C4BPA: variants seen among roughly 807,000 people sequenced by gnomAD.
C4BPA encodes the protein C4b-binding protein alpha chain.
A neutral mutation model predicts 63.7 loss-of-function variants in C4BPA; 31 were observed. The ratio of observed to expected loss-of-function variants is 0.49; its 90% CI spans 0.37 to 0.66. The LOEUF (loss-of-function observed/expected upper bound fraction) is 0.66, where lower values mean the gene tolerates loss of function less well. Ranked by LOEUF, C4BPA falls within the 30% of genes least tolerant of loss-of-function variation. C4BPA has a pLI of 0.00. For synonymous variants in C4BPA, 259 were observed against 254.7 expected, an observed-to-expected ratio of 1.02 and a Z score of -0.16; for missense variants, 572 against 723.3, an observed-to-expected ratio of 0.79 and a Z score of 2.40.
Position 207,144,793 on chromosome 1 carries a change from T to C in C4BPA, c.*76T>C. 1.1e-6 allele frequency: 1 copy of C among 893,470 alleles called. No individual in the cohort carries two copies. Among genetic ancestry groups the C allele is most frequent in the Middle Eastern group, 2.8e-4 (1 of 3,576 alleles). The allele number at this position is 893,470 out of a possible 1,614,324, so 55.3% of individuals were successfully genotyped here. On this transcript the variant is annotated 3_prime_UTR_variant, in exon 12 of 12. Transcript: ENST00000367070. Reference sequence around the variant, plus strand: ...ATTCAATACAGATCAGTTTAGCAAATCTACTGTCAATTTGGCAGTGATATT... The same window carrying C: ...ATTCAATACAGATCAGTTTAGCAAACCTACTGTCAATTTGGCAGTGATATT...
chr1:207,114,228 A>G lies in C4BPA; in HGVS notation c.271A>G (p.Thr91Ala). ...CLPGYVRSHS[T>A]QTLTCNSDGE... is the part of the protein sequence containing the mutation. ...CCCTGGCTACGTCAGATCCCATTCA[A>G]CTCAGACGCTTACCTGTAATTCTGA... The change falls in exon 3 of 12, where the codon ACT becomes GCT. Residue 91 changes from threonine to alanine, a missense_variant. This residue lies in a region of C4BPA where 465 missense variants were observed against 629.4 expected (regional missense o/e 0.74). Transcript: ENST00000367070. The G allele has an allele frequency of 6.2e-7, 1 of 1,613,596 alleles. No homozygotes were observed. Among genetic ancestry groups the G allele is most frequent in the East Asian group, 2.2e-5 (1 of 44,854 alleles).
intron 7 of C4BPA, 66 bp downstream of exon 7, chr1:207,126,961 G>A: frequency 2.5e-6 from 3 of 1,182,622 alleles, no homozygotes; most frequent in South Asian, 3.1e-5. Flanking sequence ...TGTTAATACG[G>A]GTATACTTGC....
Position 207,126,719 on chromosome 1 carries a change from CCT to C in C4BPA, c.714_715del (p.Cys239SerfsTer19), listed in dbSNP as rs1357455442. 1.2e-6 allele frequency: 2 copies of C among 1,605,934 alleles called. No individual in the cohort carries two copies. The highest frequency in any genetic ancestry group is 8.5e-7 in the Non-Finnish European group (1 of 1,175,232). ...TTTTCTCATGATTCTTTAGAAATCACCTGTCGCAAGCCAGATGTTTCACATGG... is the reference window on the plus strand; with the variant it reads ...TTTTCTCATGATTCTTTAGAAATCACGTCGCAAGCCAGATGTTTCACATGG... On this transcript the variant is annotated frameshift_variant, in exon 7 of 12. Transcript: ENST00000367070. LOFTEE classifies it high-confidence loss of function.
At chr1:207,129,597 T>C (rs1315060293) in intron 7 of C4BPA, among the ~76,000 whole-genome samples, 5 of 152,146 alleles carry the variant, frequency 3.3e-5, no homozygotes, top group African/African-American at 1.2e-4. Context: ...ACGCATCATG[T>C]ACAATGTAAC....
Position 207,114,166 on chromosome 1 carries a change from G to A in C4BPA, c.209G>A (p.Arg70His), listed in dbSNP as rs147172618. The A allele has an allele frequency of 9.9e-6, 16 of 1,613,592 alleles. No individual in the cohort carries two copies. The highest frequency in any genetic ancestry group is 1.3e-5 in the African/African-American group (1 of 74,834). ...APMDITLTET[R>H]FKTGTTLKYT... Reference sequence around the variant, plus strand: ...ATGGATATTACGTTGACTGAGACACGCTTCAAAACTGGAACTACTCTGAAA... The same window carrying A: ...ATGGATATTACGTTGACTGAGACACACTTCAAAACTGGAACTACTCTGAAA... Residue 70 changes from arginine to histidine, a missense_variant, in exon 3 of 12, where the codon CGC becomes CAC. Around this residue, in one of 2 missense-constraint regions of C4BPA, gnomAD observed 107 missense variants for 93.9 expected, o/e 1.14. Coordinates refer to ENST00000367070, the MANE Select transcript of C4BPA (RefSeq NM_000715.4).
intron 6 of C4BPA, among the ~76,000 whole-genome samples, chr1:207,126,328 C>T (rs535669280): frequency 1.8e-4 from 27 of 146,962 alleles, no homozygotes; most frequent in Non-Finnish European, 3.0e-4. Context: ...GTTATATATT[C>T]TATAAGACTA....
chr1:207,120,942 A>G (rs933572649), intron 4 of C4BPA, among the ~76,000 whole-genome samples: 1 of 152,182 alleles, frequency 6.6e-6, no homozygotes, highest in African/African-American at 2.4e-5. Flanking sequence ...CTGAGTAGCT[A>G]GGCCTACAGG....
At chr1:207,133,392 T>C (rs1179449313) in intron 8 of C4BPA, among the ~76,000 whole-genome samples, 1 of 152,210 alleles carries the variant, frequency 6.6e-6, no homozygotes, top group African/African-American at 2.4e-5. Context: ...CATCAGACAA[T>C]AGCAAGTTTT....
chr1:207,123,749 A>C (rs1374856544), intron 4 of C4BPA, among the ~76,000 whole-genome samples, 173 bp from the exon 5 acceptor site: 1 of 152,244 alleles, frequency 6.6e-6, no homozygotes, highest in East Asian at 1.9e-4. Flanking sequence ...AAACACACGC[A>C]TCTCATTGCA....
At chr1:207,134,764 C>T (rs1181296693) in intron 9 of C4BPA, among the ~76,000 whole-genome samples, 172 bp downstream of exon 9, 2 of 152,166 alleles carry the variant, frequency 1.3e-5, no homozygotes, top group Non-Finnish European at 2.9e-5. Flanking sequence ...CTTTTGGCCT[C>T]TTCAGTTTCC....
chr1:207,136,905 A>C (rs1685291054), intron 9 of C4BPA, among the ~76,000 whole-genome samples: 1 of 152,168 alleles, frequency 6.6e-6, no homozygotes, highest in South Asian at 2.1e-4. Context: ...AGTGGACCTG[A>C]ATACTAAACT....
At chr1:207,132,570 A>T (rs1443586440) in intron 8 of C4BPA, among the ~76,000 whole-genome samples, 2 of 152,238 alleles carry the variant, frequency 1.3e-5, no homozygotes, top group African/African-American at 4.8e-5. Flanking sequence ...TCATATTAAG[A>T]CTTAACAAAG....
In C4BPA at chr1:207,115,414, A is replaced by G. The variant is rs765118442; in HGVS notation, c.329-2A>G. 2.6e-6 allele frequency: 4 copies of G among 1,563,594 alleles called. No individual in the cohort carries two copies. The highest frequency in any genetic ancestry group is 3.5e-6 in the Non-Finnish European group (4 of 1,149,014). On this transcript the variant is annotated splice_acceptor_variant, in intron 3 of 11. Coordinates refer to ENST00000367070, the MANE Select transcript of C4BPA (RefSeq NM_000715.4). LOFTEE classifies it high-confidence loss of function. Reference sequence around the variant, plus strand: ...TAATCATCATTTAAATTTTTCTCCCAGACAAACGATGCAGACACCCAGGAG... The same window carrying G: ...TAATCATCATTTAAATTTTTCTCCCGGACAAACGATGCAGACACCCAGGAG...
At chr1:207,126,402 T>C (rs1176175480) in intron 6 of C4BPA, among the ~76,000 whole-genome samples, 1 of 148,634 alleles carries the variant, frequency 6.7e-6, no homozygotes, top group Admixed American at 6.7e-5. Flanking sequence ...TTTCAGCTTT[T>C]AAAAGCCTCA....
chr1:207,126,185 A>G (rs952163145), intron 6 of C4BPA, among the ~76,000 whole-genome samples: 3 of 151,646 alleles, frequency 2.0e-5, no homozygotes, highest in African/African-American at 4.8e-5. Flanking sequence ...AAGAAGGACC[A>G]ATGTAATGAA....
At position 207,117,443 on chromosome 1, in the gene C4BPA, C is replaced by A. The variant is rs115721031; in HGVS notation, c.428+1928C>A. Among the ~76,000 whole-genome samples the A allele has an allele frequency of 2.8e-3, 423 of 152,202 alleles. 2 individuals carry two copies. Among genetic ancestry groups the A allele is most frequent in the African/African-American group, 9.7e-3 (402 of 41,522 alleles). ...TACAACCTGGGTGACAGGGCAAGAC[C>A]TCATCTCGAAAAATAAACTGGTAAA... is the stretch of plus-strand genomic sequence containing the variant. On this transcript the variant is annotated intron_variant, in intron 4 of 11. Coordinates refer to ENST00000367070, the MANE Select transcript of C4BPA (RefSeq NM_000715.4).
rs554221253 is a variant in C4BPA at position 207,129,863 on chromosome 1, C to A, written c.890-1683C>A. On this transcript the variant is annotated intron_variant, in intron 7 of 11. Coordinates refer to ENST00000367070, the MANE Select transcript of C4BPA (RefSeq NM_000715.4). Reference sequence around the variant, plus strand: ...TATTTAGAGAGTTTATTATGTTAATCTTCTTATTCTTCATTTCTGGCGCTC... The same window carrying A: ...TATTTAGAGAGTTTATTATGTTAATATTCTTATTCTTCATTTCTGGCGCTC... 1.1e-4 allele frequency among the ~76,000 whole-genome samples: 16 copies of A among 151,974 alleles called. No homozygotes were observed. The East Asian group carries it at 3.1e-3, about 29-fold the overall frequency.
At chr1:207,131,505 A>T (rs1685158231) in intron 7 of C4BPA, 41 bp from the exon 8 acceptor site, 2 of 1,447,566 alleles carry the variant, frequency 1.4e-6, no homozygotes, top group Non-Finnish European at 1.9e-6. Context: ...AGCCCTAGTA[A>T]TAGCGTCCTT....
At chr1:207,135,403 A>G (rs1371431129) in intron 9 of C4BPA, among the ~76,000 whole-genome samples, 1 of 152,030 alleles carries the variant, frequency 6.6e-6, no homozygotes, top group Non-Finnish European at 1.5e-5. Flanking sequence ...TGATATCTCT[A>G]TCTAGCAATG....
Sources: gnomAD v4.1 joint callset for allele counts (sites outside exome capture counted in the v4.1 genomes callset) on GRCh38, gnomAD v4.1.1 for gene constraint, gnomAD v4.1.1 regional missense constraint, MANE v1.5 for transcripts, NCBI Gene and HGNC (gene_info 2026-07-23, HGNC 2026-07-21) for gene names.